LRRC28: variants seen among roughly 807,000 people sequenced by gnomAD.
LRRC28 encodes leucine rich repeat containing 28, also known as leucine-rich repeat-containing protein 28.
LRRC28 carries 39 observed loss-of-function variants against 45.7 expected under a neutral mutation model. The ratio of observed to expected loss-of-function variants is 0.85; its 90% CI spans 0.66 to 1.12. LRRC28 has a LOEUF of 1.12. Among genes scored for constraint, LRRC28 ranks in the 50% most tolerant of loss-of-function variants. The pLI is 0.00. For synonymous variants in LRRC28, 206 were observed against 178.8 expected, an observed-to-expected ratio of 1.15 and a Z score of -1.22; for missense variants, 435 against 438.5, an observed-to-expected ratio of 0.99 and a Z score of 0.07.
intron 6 of LRRC28, among the ~76,000 whole-genome samples, chr15:99,336,669 T>A (rs1956334123): frequency 6.6e-6 from 1 of 152,194 alleles, no homozygotes; most frequent in South Asian, 2.1e-4. Context: ...TCCCAATTAC[T>A]TGTTTCCATC....
intron 5 of LRRC28, among the ~76,000 whole-genome samples, chr15:99,309,499 C>T (rs1955319705): frequency 6.6e-6 from 1 of 152,184 alleles, no homozygotes; most frequent in Non-Finnish European, 1.5e-5. Flanking sequence ...ACCTCTGCCT[C>T]CTGGGTTCAA....
At chr15:99,373,158 G>T (rs1285277673) in intron 9 of LRRC28, among the ~76,000 whole-genome samples, 2 of 152,018 alleles carry the variant, frequency 1.3e-5, no homozygotes, top group Non-Finnish European at 2.9e-5. Context: ...AAACTAAATG[G>T]CTGTGGTATG....
rs144724487 is a variant in LRRC28 at position 99,376,655 on chromosome 15, G to A, written c.1032-9375G>A. ...ACTCATTAACTCATTATTTACATTA[G>A]GTATATACCTAATGTACTCCTAATG... On this transcript the variant is annotated intron_variant, in intron 9 of 9. Transcript: ENST00000301981. Among the ~76,000 whole-genome samples, 4 of 152,078 alleles carry A rather than the reference G, an allele frequency of 2.6e-5. No homozygotes were observed. The East Asian group carries it at 7.7e-4, about 29-fold the overall frequency.
intron 5 of LRRC28, among the ~76,000 whole-genome samples, chr15:99,306,955 A>G (rs1192395720): frequency 6.6e-6 from 1 of 152,158 alleles, no homozygotes; most frequent in Non-Finnish European, 1.5e-5. Flanking sequence ...TTTGGAGAAG[A>G]GCCTTCAGCC....
chr15:99,285,434 G>T (rs952268860), intron 3 of LRRC28: 7 of 785,300 alleles, frequency 8.9e-6, no homozygotes, highest in Non-Finnish European at 9.1e-6. Context: ...TTGGTGTTGG[G>T]ATCTCCCATG....
At chr15:99,258,467 G>A (rs2081093201) in intron 2 of LRRC28, 1 of 804,998 alleles carries the variant, frequency 1.2e-6, no homozygotes, top group Non-Finnish European at 2.2e-6. Context: ...TATGTATGGA[G>A]CAGCAAGACT....
At chr15:99,257,169 A>G (rs955872868) in intron 2 of LRRC28, among the ~76,000 whole-genome samples, 16 of 152,232 alleles carry the variant, frequency 1.1e-4, no homozygotes, top group African/African-American at 3.6e-4. Flanking sequence ...AAGTAAATAG[A>G]TACGTATGTC....
intron 2 of LRRC28, among the ~76,000 whole-genome samples, chr15:99,272,718 TGAA>T (rs2081514225): frequency 1.3e-5 from 2 of 152,222 alleles, no homozygotes; most frequent in African/African-American, 4.8e-5. Context: ...TGAGATTTAA[TGAA>T]GAGAATCCTT....
intron 5 of LRRC28, among the ~76,000 whole-genome samples, chr15:99,329,518 A>G (rs1956091211): frequency 6.6e-6 from 1 of 152,224 alleles, no homozygotes; most frequent in African/African-American, 2.4e-5. Context: ...AAAAATTTCG[A>G]GAGTTCTAAT....
rs1405693248 is a variant in LRRC28, at chr15:99,390,387, G to T, written c.*4285G>T. 2 of 150,686 alleles carry T rather than the reference G, an allele frequency of 1.3e-5. No homozygotes were observed. The highest frequency in any genetic ancestry group is 5.0e-5 in the African/African-American group (2 of 40,210). 9.3% of individuals were successfully genotyped at this position (150,686 alleles called of 1,614,324 possible). On this transcript the variant is annotated 3_prime_UTR_variant, in exon 10 of 10. Transcript: ENST00000301981. ...GGTGTAGCATTCGGAGATTATTTCTGTATGTAATTAAGAGACTTTCAAGGG... is the reference window on the plus strand; with the variant it reads ...GGTGTAGCATTCGGAGATTATTTCTTTATGTAATTAAGAGACTTTCAAGGG...
chr15:99,338,163 CCA>C (rs1956388216), intron 6 of LRRC28: 1 of 152,160 alleles, frequency 6.6e-6, no homozygotes, highest in Non-Finnish European at 1.5e-5. Context: ...ACCAAAATAG[CCA>C]CAGTCTCCTC....
chr15:99,305,077 A>G (rs986968304), intron 5 of LRRC28, among the ~76,000 whole-genome samples: 3 of 152,162 alleles, frequency 2.0e-5, no homozygotes, highest in South Asian at 2.1e-4. Flanking sequence ...CAAAGAAGTG[A>G]AAGGCTCTGG....
intron 5 of LRRC28, among the ~76,000 whole-genome samples, chr15:99,328,378 C>G (rs554676911): frequency 6.6e-6 from 1 of 152,050 alleles, no homozygotes; most frequent in Admixed American, 6.6e-5. Context: ...TCCTGAAAGC[C>G]GAATTCTAGG....
chr15:99,383,658 T>A lies in LRRC28; in HGVS notation c.1032-2372T>A, dbSNP rs184296057. On this transcript the variant is annotated intron_variant, in intron 9 of 9. Coordinates refer to ENST00000301981, the MANE Select transcript of LRRC28 (RefSeq NM_144598.5). Reference sequence around the variant, plus strand: ...TTCTCTCTCACCTCTGATAATCGTATATCTATGAAGGCATCAAGGGTGCTT... The same window carrying A: ...TTCTCTCTCACCTCTGATAATCGTAAATCTATGAAGGCATCAAGGGTGCTT... Among the ~76,000 whole-genome samples the A allele has an allele frequency of 1.5e-3, 222 of 152,338 alleles. 1 individual carries two copies. Among genetic ancestry groups the A allele is most frequent in the Non-Finnish European group, 2.5e-3 (167 of 68,020 alleles).
At chr15:99,377,974 C>A (rs1957696813) in intron 9 of LRRC28, among the ~76,000 whole-genome samples, 2 of 152,300 alleles carry the variant, frequency 1.3e-5, no homozygotes, top group East Asian at 3.9e-4. Flanking sequence ...AGTCAGGTAG[C>A]ATGATGCCTC....
chr15:99,357,043 A>T (rs1013379221), intron 7 of LRRC28, among the ~76,000 whole-genome samples: 1 of 152,184 alleles, frequency 6.6e-6, no homozygotes, highest in Admixed American at 6.5e-5. Context: ...CCATCTCCAT[A>T]TCCACTTCTT....
chr15:99,281,236 C>T (rs543964835), intron 3 of LRRC28, among the ~76,000 whole-genome samples: 1 of 151,754 alleles, frequency 6.6e-6, no homozygotes, highest in African/African-American at 2.4e-5. Context: ...GCTGTGTTGC[C>T]CAGGCTGGCT....
At chr15:99,318,086 C>T (rs930702920) in intron 5 of LRRC28, among the ~76,000 whole-genome samples, 3 of 152,136 alleles carry the variant, frequency 2.0e-5, no homozygotes, top group Non-Finnish European at 2.9e-5. Context: ...TCATTAGAAG[C>T]ATCATACAAT....
At chr15:99,370,391 C>T (rs139980063) in intron 9 of LRRC28, among the ~76,000 whole-genome samples, 1 of 152,164 alleles carries the variant, frequency 6.6e-6, no homozygotes, top group East Asian at 1.9e-4. Flanking sequence ...TACATATACA[C>T]ACATGCACAC....
Sources: gnomAD v4.1 joint callset for allele counts (sites outside exome capture counted in the v4.1 genomes callset) on GRCh38, gnomAD v4.1.1 for gene constraint, MANE v1.5 for transcripts, NCBI Gene and HGNC (gene_info 2026-07-23, HGNC 2026-07-21) for gene names.